SHTN1: variants seen among roughly 807,000 people sequenced by gnomAD.
The protein encoded by SHTN1 is shootin 1.
SHTN1 carries 42 observed loss-of-function variants against 83.1 expected under a neutral mutation model. That is an observed-to-expected ratio of 0.51 (90% confidence interval 0.39 to 0.65). The LOEUF (loss-of-function observed/expected upper bound fraction) is 0.65. Among genes scored for constraint, SHTN1 ranks in the 30% least tolerant of loss-of-function variants. The pLI is 0.00. For missense variants in SHTN1, 622 were observed against 737.8 expected (o/e 0.84, Z 1.82); for synonymous variants, 224 against 247.7 (o/e 0.90, Z 0.90).
At chr10:117,092,417 T>C (rs1853444279) in intron 1 of SHTN1, among the ~76,000 whole-genome samples, 1 of 152,230 alleles carries the variant, frequency 6.6e-6, no homozygotes, top group Admixed American at 6.5e-5. Context: ...TTGCGACAAA[T>C]GCGAGAATTG....
intron 1 of SHTN1, among the ~76,000 whole-genome samples, chr10:117,003,723 T>C (rs1298916730): frequency 6.6e-6 from 1 of 151,974 alleles, no homozygotes; most frequent in African/African-American, 2.4e-5. Flanking sequence ...GCAGGTGAGC[T>C]GGGCCAAGAG....
chr10:116,979,212 T>A, intron 2 of SHTN1, 44 bp downstream of exon 2: 1 of 1,533,568 alleles, frequency 6.5e-7, no homozygotes. Flanking sequence ...CCGCCTAGGC[T>A]TTTACACATG....
chr10:116,986,561 C>G (rs1227805558), intron 1 of SHTN1, among the ~76,000 whole-genome samples: 4 of 151,838 alleles, frequency 2.6e-5, no homozygotes, highest in African/African-American at 9.7e-5. Flanking sequence ...GAAAATTTTC[C>G]CTACTACTCT....
intron 2 of SHTN1, among the ~76,000 whole-genome samples, chr10:117,031,662 G>T (rs1042965722): frequency 6.6e-6 from 1 of 152,024 alleles, no homozygotes; most frequent in East Asian, 1.9e-4. Context: ...TGCAAACAGG[G>T]TTAAGTTGTT....
chr10:117,029,890 C>A (rs1317493946), intron 2 of SHTN1, among the ~76,000 whole-genome samples: 1 of 69,178 alleles, frequency 1.4e-5, no homozygotes, highest in East Asian at 5.8e-4. Context: ...GTCTCTCTCT[C>A]TTTCTTTTTT....
At chr10:117,098,003 GAAC>G (rs1422754319) in intron 1 of SHTN1, among the ~76,000 whole-genome samples, 1 of 151,798 alleles carries the variant, frequency 6.6e-6, no homozygotes, top group African/African-American at 2.4e-5. Context: ...ATAGTCCCCA[GAAC>G]AACTGAAGAG....
At chr10:117,100,134 G>A (rs1050078981) in intron 1 of SHTN1, among the ~76,000 whole-genome samples, 5 of 152,064 alleles carry the variant, frequency 3.3e-5, no homozygotes, top group African/African-American at 7.2e-5. Context: ...CCGAGATAGC[G>A]CCATTGCACT....
At chr10:117,025,186 C>T (rs1437764006) in intron 2 of SHTN1, among the ~76,000 whole-genome samples, 1 of 152,178 alleles carries the variant, frequency 6.6e-6, no homozygotes, top group East Asian at 1.9e-4. Flanking sequence ...AAAACAGTCT[C>T]GAATCACTAA....
At chr10:117,118,435 C>G (rs1853881478) in intron 1 of SHTN1, among the ~76,000 whole-genome samples, 1 of 149,196 alleles carries the variant, frequency 6.7e-6, no homozygotes, top group Non-Finnish European at 1.5e-5. Context: ...GGGGAACTCT[C>G]ATACACAGGG....
In SHTN1 at chr10:116,945,457, T is replaced by C. The variant is rs189411172; in HGVS notation, c.617-439A>G. The stretch of plus-strand genomic sequence containing the variant: ...GACATCTGTGATGTATTTTTAAAAA[T>C]AGATTGCAAAAATTAGTGCAAAGTG... On this transcript the variant is annotated intron_variant, in intron 7 of 16. Coordinates refer to ENST00000355371, the MANE Select transcript of SHTN1 (RefSeq NM_001127211.3). 3.7e-4 allele frequency among the ~76,000 whole-genome samples: 57 copies of C among 152,310 alleles called. 1 individual carries two copies. The East Asian group carries it at 7.3e-3, about 20-fold the overall frequency.
chr10:117,036,021 G>A (rs945231109), intron 2 of SHTN1, among the ~76,000 whole-genome samples: 1 of 150,290 alleles, frequency 6.7e-6, no homozygotes, highest in African/African-American at 2.4e-5. Context: ...ATGTCAAATA[G>A]GCATATGAAA....
chr10:116,957,487 C>G (rs1850027804), intron 4 of SHTN1, among the ~76,000 whole-genome samples: 1 of 151,800 alleles, frequency 6.6e-6, no homozygotes, highest in South Asian at 2.1e-4. Context: ...CTCCTGACCT[C>G]AGGTGATCTG....
chr10:116,917,853 G>A (rs1449012533), intron 12 of SHTN1, among the ~76,000 whole-genome samples: 1 of 152,144 alleles, frequency 6.6e-6, no homozygotes, highest in Non-Finnish European at 1.5e-5. Flanking sequence ...AAATGTAAAG[G>A]CTTAATTGGT....
chr10:116,906,425 G>A (rs1847974976), intron 15 of SHTN1, among the ~76,000 whole-genome samples: 1 of 152,154 alleles, frequency 6.6e-6, no homozygotes, highest in Non-Finnish European at 1.5e-5. Context: ...CTACAAATAA[G>A]TAAACACACC....
chr10:116,994,529 G>GGGA (rs1851560553), intron 1 of SHTN1, among the ~76,000 whole-genome samples: 5 of 152,036 alleles, frequency 3.3e-5, no homozygotes, highest in Non-Finnish European at 7.4e-5. Flanking sequence ...GGGAAAGAGG[G>GGGA]AAGGGGAAGG....
intron 2 of SHTN1, among the ~76,000 whole-genome samples, chr10:117,046,232 A>C (rs1373103520): frequency 1.3e-5 from 2 of 152,176 alleles, no homozygotes; most frequent in Non-Finnish European, 2.9e-5. Context: ...AACTGCAAAA[A>C]ATACAAAGAA....
intron 2 of SHTN1, among the ~76,000 whole-genome samples, chr10:116,969,214 C>G (rs963165472): frequency 6.6e-6 from 1 of 152,272 alleles, no homozygotes; most frequent in East Asian, 1.9e-4. Flanking sequence ...ATCACGAGGT[C>G]AGGAGTACAA....
intron 1 of SHTN1, among the ~76,000 whole-genome samples, chr10:116,989,937 G>A (rs1019283470): frequency 1.3e-5 from 2 of 152,110 alleles, no homozygotes; most frequent in African/African-American, 4.8e-5. Context: ...TTTTGGCATA[G>A]TTGGCAGGAA....
chr10:117,005,206 G>GCTC (rs1030979787), upstream of SHTN1: 25 of 1,520,088 alleles, frequency 1.6e-5, no homozygotes, highest in Non-Finnish European at 2.0e-5. Flanking sequence ...ATCCGCTCCC[G>GCTC]CTCCTCCTCC....
Sources: gnomAD v4.1 joint callset for allele counts (sites outside exome capture counted in the v4.1 genomes callset) on GRCh38, gnomAD v4.1.1 for gene constraint, MANE v1.5 for transcripts, NCBI Gene and HGNC (gene_info 2026-07-23, HGNC 2026-07-21) for gene names.